Variants in CACNA1C observed in about 807,000 individuals in gnomAD.
CACNA1C encodes the protein calcium voltage-gated channel subunit alpha1 C, also known as voltage-dependent L-type calcium channel subunit alpha-1C.
In CACNA1C, 30 loss-of-function variants were observed where a neutral mutation model predicts 229.0. The observed-to-expected ratio is 0.13, with a 90% CI of 0.10 to 0.18. CACNA1C has a LOEUF of 0.18. Ranked by LOEUF, CACNA1C falls within the 10% of genes least tolerant of loss-of-function variation. The pLI, the probability that CACNA1C is intolerant of heterozygous loss-of-function variation, is 1.00. For missense variants in CACNA1C, 1,658 were observed against 2,845.0 expected (o/e 0.58, Z 9.49); for synonymous variants, 1,114 against 1,132.5 (o/e 0.98, Z 0.33).
At chr12:2,127,329 C>G (rs1193668390) in intron 3 of CACNA1C, among the ~76,000 whole-genome samples, 1 of 152,224 alleles carries the variant, frequency 6.6e-6, no homozygotes, top group Non-Finnish European at 1.5e-5. Flanking sequence ...GGGTTCCCCT[C>G]CTCTCCCTGC....
At chr12:2,392,348 G>T (rs1218787270) in intron 3 of CACNA1C, among the ~76,000 whole-genome samples, 1 of 151,888 alleles carries the variant, frequency 6.6e-6, no homozygotes, top group East Asian at 1.9e-4. Context: ...CTATTTTTTT[G>T]AAAGTTATGA....
rs2052758345 is a variant in CACNA1C, at chr12:2,053,049, C to T, written c.-514C>T. 1.0e-6 allele frequency: 1 copy of T among 983,910 alleles called. No individual in the cohort carries two copies. The highest frequency in any genetic ancestry group is 1.2e-6 in the Non-Finnish European group (1 of 829,358). 60.9% of individuals were successfully genotyped at this position (983,910 alleles called of 1,614,324 possible). ...CAGAGCGGCGCTCGGCGCGGCGCGG[C>T]GGGCCCGGAGCGGCGGCGGCGGCTC... On this transcript the variant is annotated 5_prime_UTR_variant, in exon 1 of 47. Transcript: ENST00000399655. The surrounding 1 kb of genome is among the most constrained non-coding windows in gnomAD (Gnocchi z 5.8).
intron 1 of CACNA1C, among the ~76,000 whole-genome samples, chr12:1,980,795 C>T (rs1003999619): frequency 2.0e-5 from 3 of 151,838 alleles, no homozygotes; most frequent in South Asian, 2.1e-4. Flanking sequence ...TTAAACCACA[C>T]GGCCATGGTT....
At chr12:2,572,608 TCTC>T (rs1171562345) in intron 13 of CACNA1C, among the ~76,000 whole-genome samples, 1 of 71,358 alleles carries the variant, frequency 1.4e-5, no homozygotes, top group Admixed American at 1.4e-4. Flanking sequence ...TCCTCCTCCT[TCTC>T]CTCTTCCTCC....
chr12:2,062,722 C>T (rs955630647), intron 1 of CACNA1C, among the ~76,000 whole-genome samples: 1 of 152,124 alleles, frequency 6.6e-6, no homozygotes, highest in Non-Finnish European at 1.5e-5. Context: ...CTTCACAGAC[C>T]ACCTAGGTCA....
intron 3 of CACNA1C, among the ~76,000 whole-genome samples, chr12:2,434,070 C>G (rs1034592707): frequency 6.6e-6 from 1 of 152,100 alleles, no homozygotes; most frequent in African/African-American, 2.4e-5. Flanking sequence ...CCAATGGTCC[C>G]GGGGGATGCT....
chr12:2,677,426 C>A lies in CACNA1C; in HGVS notation c.4956+205C>A. 1.6e-6 allele frequency: 1 copy of A among 630,156 alleles called. No individual in the cohort carries two copies. The highest frequency in any genetic ancestry group is 2.7e-6 in the Non-Finnish European group (1 of 368,166). 39.0% of individuals were successfully genotyped at this position (630,156 alleles called of 1,614,324 possible). On this transcript the variant is annotated intron_variant, in intron 40 of 46. Transcript: ENST00000399655. This position sits in a 1 kb window ranked among gnomAD's most constrained non-coding sequence, Gnocchi z 7.4. ...TACCTGCCACCCACCGACTGCCCTC[C>A]ATGGTTCTGCCTGCTGTCATAGCCC...
chr12:2,472,494 A>T (rs1030442566), intron 5 of CACNA1C, among the ~76,000 whole-genome samples: 1 of 151,908 alleles, frequency 6.6e-6, no homozygotes, highest in African/African-American at 2.4e-5. Context: ...GGAATTCTCT[A>T]TATTTCTCCC....
rs7294604 is a variant in CACNA1C at position 2,403,862 on chromosome 12, T to C, written c.478-45114T>C. Among the ~76,000 whole-genome samples, 28,672 of 152,076 alleles carry C rather than the reference T, an allele frequency of 0.19. 3,237 individuals are homozygous for C. The highest frequency in any genetic ancestry group is 0.31 in the African/African-American group (12,900 of 41,436). ...TGGTGTCCGTGGACCACAGCTCTGCTCTGGGGCCCCAGGGACTTTCTCAGA... is the reference window on the plus strand; with the variant it reads ...TGGTGTCCGTGGACCACAGCTCTGCCCTGGGGCCCCAGGGACTTTCTCAGA... On this transcript the variant is annotated intron_variant, in intron 3 of 46. Coordinates refer to ENST00000399655, the MANE Select transcript of CACNA1C (RefSeq NM_000719.7). The surrounding 1 kb of genome is among the most constrained non-coding windows in gnomAD (Gnocchi z 4.1).
rs76358039 is a variant in CACNA1C, at chr12:2,666,194, GAA to G, written c.4527-488_4527-487del. 0.6 allele frequency among the ~76,000 whole-genome samples: 91,150 copies of G among 151,790 alleles called. 29,670 individuals are homozygous for G. Among genetic ancestry groups the G allele is most frequent in the Non-Finnish European group, 0.72 (49,153 of 67,912 alleles). ...ACAGAGCAAGACTCCATCTAAAAAA[GAA>G]AAAGAAAATAATATATCTACTATAT... On this transcript the variant is annotated intron_variant, in intron 36 of 46. Transcript: ENST00000399655. This position sits in a 1 kb window ranked among gnomAD's most constrained non-coding sequence, Gnocchi z 5.3.
At chr12:2,171,416 G>A (rs1296970459) in intron 3 of CACNA1C, among the ~76,000 whole-genome samples, 1 of 152,172 alleles carries the variant, frequency 6.6e-6, no homozygotes, top group Non-Finnish European at 1.5e-5. Context: ...CCACGTGCGA[G>A]GAGGGATGAG....
At chr12:2,600,266 C>T (rs2071237473) in intron 21 of CACNA1C, among the ~76,000 whole-genome samples, 1 of 152,296 alleles carries the variant, frequency 6.6e-6, no homozygotes, top group South Asian at 2.1e-4. Context: ...GAACTATACT[C>T]CCTTGCATCT....
chr12:2,208,620 C>T (rs1414001761), intron 3 of CACNA1C, among the ~76,000 whole-genome samples: 1 of 152,170 alleles, frequency 6.6e-6, no homozygotes, highest in Admixed American at 6.5e-5. Context: ...ATTTGAGGGA[C>T]TCAGGGCACT....
At chr12:2,453,237 C>T (rs1239163090) in intron 4 of CACNA1C, among the ~76,000 whole-genome samples, 2 of 152,150 alleles carry the variant, frequency 1.3e-5, no homozygotes, top group South Asian at 2.1e-4. Flanking sequence ...ATCCCCTCAT[C>T]GCTCAGCCCT....
chr12:2,339,101 A>G (rs2096786089), intron 3 of CACNA1C, among the ~76,000 whole-genome samples: 1 of 152,258 alleles, frequency 6.6e-6, no homozygotes. Context: ...TCATATGTGA[A>G]CATCATAGAG....
At chr12:2,352,344 C>G (rs991565552) in intron 3 of CACNA1C, among the ~76,000 whole-genome samples, 8 of 152,310 alleles carry the variant, frequency 5.3e-5, no homozygotes, top group Admixed American at 3.3e-4. Flanking sequence ...TACAGTTACC[C>G]TGTAATTAAA....
intron 1 of CACNA1C, among the ~76,000 whole-genome samples, chr12:2,091,103 C>G (rs10848611): frequency 0.043 from 6,608 of 152,244 alleles, 456 homozygotes; most frequent in African/African-American, 0.14. Flanking sequence ...CCTCAGATAT[C>G]GGGACTGGCT....
intron 3 of CACNA1C, among the ~76,000 whole-genome samples, chr12:2,419,968 T>G (rs2154555824): frequency 6.6e-6 from 1 of 152,224 alleles, no homozygotes; most frequent in East Asian, 1.9e-4. Context: ...AGTCTCCAAT[T>G]TGGCCCACAT....
intron 1 of CACNA1C, among the ~76,000 whole-genome samples, chr12:2,007,646 T>A (rs1053216614): frequency 6.6e-5 from 10 of 152,256 alleles, no homozygotes; most frequent in African/African-American, 2.4e-4. Flanking sequence ...ATATGACCCT[T>A]AGTAGAGAAG....
Sources: allele counts gnomAD v4.1 joint callset (sites outside exome capture counted in the v4.1 genomes callset), GRCh38; gene constraint gnomAD v4.1.1; non-coding constraint Gnocchi (gnomAD v3.1); transcripts MANE v1.5; gene names NCBI Gene and HGNC (gene_info 2026-07-23, HGNC 2026-07-21).